Variants in IFNGR2 observed in about 807,000 individuals in gnomAD.
IFNGR2 encodes interferon gamma receptor 2.
Under a neutral mutation model 41.1 loss-of-function variants are expected in IFNGR2, and 15 were observed. The ratio of observed to expected loss-of-function variants is 0.37; its 90% CI spans 0.24 to 0.56. The LOEUF (loss-of-function observed/expected upper bound fraction) is 0.56, where lower values mean the gene tolerates loss of function less well. IFNGR2 is among the 20% of genes least tolerant of loss of function. IFNGR2 has a pLI of 0.81. For missense variants in IFNGR2, 362 were observed against 415.7 expected (o/e 0.87, Z 1.12); for synonymous variants, 161 against 171.6 (o/e 0.94, Z 0.48).
chr21:33,436,157 AG>A (rs1219718323), intron 6 of IFNGR2, among the ~76,000 whole-genome samples: 1 of 99,426 alleles, frequency 1.0e-5, no homozygotes, highest in Non-Finnish European at 2.0e-5. Context: ...CAGGAGTTCG[AG>A]ACAGCCTGAC....
chr21:33,421,550 G>A lies in IFNGR2; in HGVS notation c.277G>A (p.Glu93Lys). Residue 93 changes from glutamate (E) to lysine (K), a missense_variant, in exon 3 of 7, where the codon GAG (glutamate) becomes AAG (lysine). Coordinates refer to ENST00000290219, the MANE Select transcript of IFNGR2 (RefSeq NM_005534.4). Reference sequence around the variant, plus strand: ...GAATTGTACACAGATCACAGCAACAGAGTGTGACTTCACTGCCGCCAGTCC... The same window carrying A: ...GAATTGTACACAGATCACAGCAACAAAGTGTGACTTCACTGCCGCCAGTCC... Reference protein sequence around the residue: ...GVNCTQITATECDFTAASPSA... With the variant: ...GVNCTQITATKCDFTAASPSA... The A allele has an allele frequency of 6.2e-7, 1 of 1,614,082 alleles. No homozygotes were observed. Among genetic ancestry groups the A allele is most frequent in the Non-Finnish European group, 8.5e-7 (1 of 1,179,990 alleles).
intron 2 of IFNGR2, among the ~76,000 whole-genome samples, chr21:33,420,637 T>C (rs563312366): frequency 6.6e-6 from 1 of 152,256 alleles, no homozygotes; most frequent in South Asian, 2.1e-4. Flanking sequence ...AGTATTAAAA[T>C]CAGTTATGGG....
intron 3 of IFNGR2, among the ~76,000 whole-genome samples, chr21:33,425,688 G>A (rs2083830482): frequency 1.3e-5 from 2 of 152,212 alleles, no homozygotes; most frequent in South Asian, 4.1e-4. Context: ...CTGGTGGTGG[G>A]CCAGGCCTGA....
In IFNGR2 at chr21:33,436,743, A is replaced by AT. The variant is rs1395255243; in HGVS notation, c.880-85_880-84insT. 8.8e-6 allele frequency: 10 copies of AT among 1,138,450 alleles called. No homozygotes were observed. In the Admixed American group the frequency reaches 1.1e-4, roughly 13 times the overall value. The allele number at this position is 1,138,450 out of a possible 1,614,324, so 70.5% of individuals were successfully genotyped here. A position where few individuals can be genotyped will look rare whatever the true frequency, so the allele number is the denominator to read the frequency against. On this transcript the variant is annotated intron_variant, in intron 6 of 6. Coordinates refer to ENST00000290219, the MANE Select transcript of IFNGR2 (RefSeq NM_005534.4). Reference sequence around the variant, plus strand: ...TCAAAAAAAAAATAAAAATAAAAATAAAATAAAAACAAAAACTAAAGTTAA... The same window carrying AT: ...TCAAAAAAAAAATAAAAATAAAAATATAAATAAAAACAAAAACTAAAGTTAA...
intron 3 of IFNGR2, among the ~76,000 whole-genome samples, chr21:33,423,508 C>T (rs1360991808): frequency 6.6e-6 from 1 of 151,536 alleles, no homozygotes; most frequent in Non-Finnish European, 1.5e-5. Flanking sequence ...TTCTCCCTCC[C>T]GGGTTCAAGT....
intron 1 of IFNGR2, chr21:33,410,862 GA>G (rs1400715599): frequency 3.2e-6 from 5 of 1,548,528 alleles, no homozygotes; most frequent in Non-Finnish European, 4.4e-6. Flanking sequence ...GACCTACCAA[GA>G]ATGGTGCAAT....
At chr21:33,432,974 C>A in intron 6 of IFNGR2, 103 bp downstream of exon 6, 1 of 981,830 alleles carries the variant, frequency 1.0e-6, no homozygotes, top group East Asian at 2.6e-5. Context: ...CAGCCTCCAT[C>A]TCCCAGGTTC....
At chr21:33,406,221 C>T (rs17879003) in intron 1 of IFNGR2, among the ~76,000 whole-genome samples, 29,592 of 151,508 alleles carry the variant, frequency 0.2, 3,503 homozygotes, top group East Asian at 0.42. Context: ...ACTAAAACTA[C>T]GAAAATTACC....
rs1601092305 is a variant in IFNGR2 at position 33,432,506 on chromosome 21, G to A, written c.721+170G>A. ...TGTGCTGAGATTTGCAGTAGTGGAG[G>A]CTACCAGACAGCTACCACTTGCTTT... On this transcript the variant is annotated intron_variant, in intron 5 of 6. Coordinates refer to ENST00000290219, the MANE Select transcript of IFNGR2 (RefSeq NM_005534.4). 4 of 846,498 alleles carry A rather than the reference G, an allele frequency of 4.7e-6. No homozygotes were observed. The East Asian group carries it at 7.6e-5, about 16-fold the overall frequency. The allele number at this position is 846,498 out of a possible 1,614,324, so 52.4% of individuals were successfully genotyped here.
At chr21:33,409,313 C>CA (rs1295514841) in intron 1 of IFNGR2, among the ~76,000 whole-genome samples, 2 of 147,264 alleles carry the variant, frequency 1.4e-5, no homozygotes, top group African/African-American at 5.0e-5. Flanking sequence ...CCTAAAAGCA[C>CA]AAAAAAATAG....
At chr21:33,408,611 T>G (rs1282659090) in intron 1 of IFNGR2, among the ~76,000 whole-genome samples, 2 of 152,182 alleles carry the variant, frequency 1.3e-5, no homozygotes, top group African/African-American at 4.8e-5. Flanking sequence ...TCACTGGTTG[T>G]TAAATGGTCC....
At chr21:33,414,132 C>A (rs1362648836) in intron 1 of IFNGR2, among the ~76,000 whole-genome samples, 1 of 152,138 alleles carries the variant, frequency 6.6e-6, no homozygotes, top group East Asian at 1.9e-4. Context: ...TGAGCTCGGG[C>A]CGTGTTGTCC....
intron 6 of IFNGR2, among the ~76,000 whole-genome samples, chr21:33,434,429 G>GT (rs2083923139): frequency 6.6e-6 from 1 of 152,142 alleles, no homozygotes; most frequent in Non-Finnish European, 1.5e-5. Context: ...GGCTGAGGCA[G>GT]GAGAATTGCT....
intron 1 of IFNGR2, chr21:33,410,819 C>T (rs2083710192): frequency 6.6e-7 from 1 of 1,509,992 alleles, no homozygotes; most frequent in Non-Finnish European, 9.0e-7. Flanking sequence ...AACTCATAAT[C>T]TAAAATTTAT....
chr21:33,424,908 AT>A (rs2083823358), intron 3 of IFNGR2, among the ~76,000 whole-genome samples: 1 of 150,538 alleles, frequency 6.6e-6, no homozygotes, highest in Non-Finnish European at 1.5e-5. Flanking sequence ...ACCCCAGTTA[AT>A]TTTGGTTTTG....
chr21:33,421,361 A>C (rs1056288424), intron 2 of IFNGR2, 119 bp from the exon 3 acceptor site: 2 of 726,982 alleles, frequency 2.8e-6, no homozygotes, highest in Non-Finnish European at 2.4e-6. Flanking sequence ...GCGGGGGGGA[A>C]CTGTATGGTA....
chr21:33,407,761 AATTTTTATATTTTTAGTAGGGACG>A (rs2083686787), intron 1 of IFNGR2, among the ~76,000 whole-genome samples: 3 of 151,872 alleles, frequency 2.0e-5, no homozygotes, highest in Admixed American at 2.0e-4. Flanking sequence ...ATGCTTTGCT[AATTTTTATATTTTTAGTAGGGACG>A]GGGTTTCACC....
intron 1 of IFNGR2, among the ~76,000 whole-genome samples, chr21:33,405,114 A>G (rs1283769282): frequency 1.3e-5 from 2 of 151,906 alleles, no homozygotes; most frequent in African/African-American, 4.8e-5. Flanking sequence ...AAAAAAAAAA[A>G]AAAAAAAAAG....
intron 2 of IFNGR2, 150 bp from the exon 3 acceptor site, chr21:33,421,330 T>TG (rs2083789876): frequency 2.3e-6 from 1 of 438,532 alleles, no homozygotes; most frequent in African/African-American, 7.9e-5. Context: ...AAACTCCATC[T>TG]CAAAAAAAAA....
Sources: allele counts gnomAD v4.1 joint callset (sites outside exome capture counted in the v4.1 genomes callset), GRCh38; gene constraint gnomAD v4.1.1; transcripts MANE v1.5; gene names NCBI Gene and HGNC (gene_info 2026-07-23, HGNC 2026-07-21).